Variants in TMEM163 observed in about 807,000 individuals in gnomAD.
TMEM163 encodes transmembrane protein 163.
TMEM163 carries 17 observed loss-of-function variants against 29.3 expected under a neutral mutation model. The observed-to-expected ratio is 0.58, with a 90% confidence interval of 0.40 to 0.87. The LOEUF (loss-of-function observed/expected upper bound fraction) is 0.87, where lower values mean the gene tolerates loss of function less well. Ranked by LOEUF, TMEM163 falls within the 40% of genes least tolerant of loss-of-function variation. The probability of loss-of-function intolerance (pLI) is 0.00; values close to 1 mark genes in which losing one functional copy is unlikely to be tolerated. For synonymous variants in TMEM163, 157 were observed against 160.6 expected (o/e 0.98, Z 0.17); for missense variants, 303 against 381.5 (o/e 0.79, Z 1.71).
chr2:134,585,691 T>TG (rs1681804883), intron 2 of TMEM163, among the ~76,000 whole-genome samples: 1 of 148,712 alleles, frequency 6.7e-6, no homozygotes, highest in Non-Finnish European at 1.5e-5. Context: ...GCAGTGAGTC[T>TG]AGATCGCGCC....
chr2:134,660,808 G>T (rs1683730179), intron 2 of TMEM163, among the ~76,000 whole-genome samples: 2 of 152,226 alleles, frequency 1.3e-5, no homozygotes, highest in African/African-American at 2.4e-5. Flanking sequence ...TCAGTATATT[G>T]CTCAGTTAAA....
chr2:134,663,931 G>A (rs1352640167), intron 2 of TMEM163, among the ~76,000 whole-genome samples: 3 of 152,204 alleles, frequency 2.0e-5, no homozygotes, highest in Non-Finnish European at 4.4e-5. Context: ...TGGCAGGTGA[G>A]CACCCAACCT....
chr2:134,522,007 C>T (rs1181311474), intron 4 of TMEM163, among the ~76,000 whole-genome samples: 1 of 152,186 alleles, frequency 6.6e-6, no homozygotes, highest in Non-Finnish European at 1.5e-5. Context: ...AAAGCTTCCA[C>T]TCCGGACACT....
Position 134,634,005 on chromosome 2 carries a change from ATATATATATATAT to A in TMEM163, c.322+79182_322+79194del, listed in dbSNP as rs1558971926. 7.2e-3 allele frequency among the ~76,000 whole-genome samples: 217 copies of A among 30,232 alleles called. 6 individuals are homozygous for A. Among genetic ancestry groups the A allele is most frequent in the African/African-American group, 0.024 (196 of 8,054 alleles). The allele number at this position is 30,232 out of a possible 152,430, so 19.8% of individuals were successfully genotyped here. A position where few individuals can be genotyped will look rare whatever the true frequency, so the allele number is the denominator to read the frequency against. On this transcript the variant is annotated intron_variant, in intron 2 of 7. Transcript: ENST00000281924. ...TATATATATATATATATATATATAT[ATATATATATATAT>A]ATAATAGGACTGTTTTAAGATGCAA...
chr2:134,688,655 T>G (rs1684395693), intron 2 of TMEM163, among the ~76,000 whole-genome samples: 1 of 152,292 alleles, frequency 6.6e-6, no homozygotes, highest in South Asian at 2.1e-4. Context: ...TCATAGACAC[T>G]CTACATATTT....
chr2:134,596,775 C>T (rs1574267478), intron 2 of TMEM163, among the ~76,000 whole-genome samples: 1 of 152,066 alleles, frequency 6.6e-6, no homozygotes, highest in African/African-American at 2.4e-5. Flanking sequence ...TGTTCGTGTC[C>T]TCTTTTATTT....
chr2:134,565,012 C>T (rs1465109244), intron 2 of TMEM163, among the ~76,000 whole-genome samples: 7 of 151,248 alleles, frequency 4.6e-5, no homozygotes, highest in South Asian at 2.1e-4. Flanking sequence ...CTGAGGCAGG[C>T]AGATCACATG....
intron 4 of TMEM163, among the ~76,000 whole-genome samples, chr2:134,536,979 T>G (rs924974147): frequency 6.6e-6 from 1 of 152,206 alleles, no homozygotes; most frequent in African/African-American, 2.4e-5. Context: ...GGGGTTGGTC[T>G]GCTAGGAAAA....
intron 6 of TMEM163, among the ~76,000 whole-genome samples, chr2:134,464,963 G>T (rs1046622141): frequency 8.6e-5 from 13 of 152,042 alleles, no homozygotes; most frequent in African/African-American, 3.1e-4. Flanking sequence ...CGGGTGAGAA[G>T]GGCCCCACAA....
chr2:134,617,470 C>G (rs898136389), intron 2 of TMEM163, among the ~76,000 whole-genome samples: 1 of 151,920 alleles, frequency 6.6e-6, no homozygotes, highest in Non-Finnish European at 1.5e-5. Flanking sequence ...AGTGTGGTGG[C>G]GGGCACCTGT....
intron 4 of TMEM163, among the ~76,000 whole-genome samples, chr2:134,547,753 T>C (rs1463288355): frequency 6.6e-6 from 1 of 152,206 alleles, no homozygotes; most frequent in African/African-American, 2.4e-5. Flanking sequence ...ACGTGAACAA[T>C]TACCTGGGAA....
intron 4 of TMEM163, among the ~76,000 whole-genome samples, chr2:134,526,208 T>A (rs902776920): frequency 1.7e-4 from 26 of 152,170 alleles, no homozygotes; most frequent in Non-Finnish European, 5.9e-5. Context: ...GGGAAATCGA[T>A]GGGAGAAGAA....
chr2:134,686,348 A>G (rs1416544373), intron 2 of TMEM163, among the ~76,000 whole-genome samples: 1 of 152,234 alleles, frequency 6.6e-6, no homozygotes, highest in East Asian at 1.9e-4. Flanking sequence ...CCCGGGCTCA[A>G]CCATGCAGCC....
At chr2:134,603,473 ACT>A (rs1227881230) in intron 2 of TMEM163, among the ~76,000 whole-genome samples, 25 of 152,074 alleles carry the variant, frequency 1.6e-4, no homozygotes, top group Admixed American at 3.3e-4. Context: ...GCGTCTTCAG[ACT>A]CTCTGTCCTG....
chr2:134,704,966 TG>T (rs1388290061), intron 2 of TMEM163, among the ~76,000 whole-genome samples: 7 of 152,200 alleles, frequency 4.6e-5, no homozygotes, highest in South Asian at 2.1e-4. Flanking sequence ...CCCAGTACCT[TG>T]GGAGGCTGAG....
intron 2 of TMEM163, among the ~76,000 whole-genome samples, chr2:134,710,336 C>G (rs1477187527): frequency 6.6e-6 from 1 of 152,132 alleles, no homozygotes; most frequent in Non-Finnish European, 1.5e-5. Flanking sequence ...CAACTTCTAT[C>G]CACCCTCCTC....
intron 4 of TMEM163, among the ~76,000 whole-genome samples, chr2:134,521,289 G>A (rs1412450373): frequency 3.3e-5 from 5 of 152,058 alleles, no homozygotes; most frequent in African/African-American, 4.8e-5. Flanking sequence ...GAGCCACCAC[G>A]CCCAGCCAGG....
At position 134,466,466 on chromosome 2, in the gene TMEM163, C is replaced by T. The variant is rs1156460372; in HGVS notation, c.556-241G>A. The T allele has an allele frequency of 1.3e-5, 6 of 456,428 alleles. No individual in the cohort carries two copies. The East Asian group carries it at 2.1e-4, about 16-fold the overall frequency. The allele number at this position is 456,428 out of a possible 1,614,324, so 28.3% of individuals were successfully genotyped here. A position where few individuals can be genotyped will look rare whatever the true frequency, so the allele number is the denominator to read the frequency against. ...TAAAAAACCATTACGTATTTATTTT[C>T]CTGTAGGAGATTGACCTCCCCACTA... On this transcript the variant is annotated intron_variant, in intron 5 of 7. Transcript: ENST00000281924.
chr2:134,592,869 G>GATATAGATAGATAGATAGAT (rs147345127), intron 2 of TMEM163, among the ~76,000 whole-genome samples: 3,176 of 148,190 alleles, frequency 0.021, 96 homozygotes, highest in Admixed American at 0.059. Flanking sequence ...TATTAATATA[G>GATATAGATAGATAGATAGAT]AGATAGATAG....
Sources: gnomAD v4.1 joint callset for allele counts (sites outside exome capture counted in the v4.1 genomes callset) on GRCh38, gnomAD v4.1.1 for gene constraint, MANE v1.5 for transcripts, NCBI Gene and HGNC (gene_info 2026-07-23, HGNC 2026-07-21) for gene names.